Variants in PSMD14 observed in about 807,000 individuals in gnomAD.
PSMD14 encodes the protein ubiquitin C-terminal hydrolase PSMD14.
Under a neutral mutation model 41.2 loss-of-function variants are expected in PSMD14, and 7 were observed. The observed-to-expected ratio is 0.17, with a 90% CI of 0.10 to 0.32. The LOEUF (loss-of-function observed/expected upper bound fraction) is 0.32. PSMD14 is among the 10% of genes least tolerant of loss of function. PSMD14 has a pLI of 1.00. For synonymous variants in PSMD14, 114 were observed against 122.3 expected (o/e 0.93, Z 0.45); for missense variants, 139 against 375.6 (o/e 0.37, Z 5.21).
At chr2:161,313,025 G>A (rs1487110461) in intron 1 of PSMD14, among the ~76,000 whole-genome samples, 13 of 150,568 alleles carry the variant, frequency 8.6e-5, no homozygotes, top group Admixed American at 8.0e-4. Flanking sequence ...TGTGTTAAAT[G>A]TTTTTTTTTG....
chr2:161,344,636 C>T (rs866042560), intron 3 of PSMD14, among the ~76,000 whole-genome samples: 6 of 17,764 alleles, frequency 3.4e-4, no homozygotes, highest in Admixed American at 8.0e-4. Context: ...TTCTGGTGTT[C>T]TTCTTTTTAT....
At chr2:161,351,173 G>A (rs550234395) in intron 3 of PSMD14, among the ~76,000 whole-genome samples, 1 of 152,356 alleles carries the variant, frequency 6.6e-6, no homozygotes, top group South Asian at 2.1e-4. Flanking sequence ...GGATGGGAAA[G>A]AGAAGTCCAC....
intron 7 of PSMD14, among the ~76,000 whole-genome samples, chr2:161,379,676 C>G (rs1438460490): frequency 6.6e-6 from 1 of 151,906 alleles, no homozygotes; most frequent in Non-Finnish European, 1.5e-5. Context: ...ATTAGACATG[C>G]AAGAGATTTA....
rs115945132 is a variant in PSMD14 at position 161,333,466 on chromosome 2, G to A, written c.48+14593G>A. Among the ~76,000 whole-genome samples the A allele has an allele frequency of 2.2e-3, 337 of 152,272 alleles. 2 individuals are homozygous for A. Among genetic ancestry groups the A allele is most frequent in the African/African-American group, 8.0e-3 (332 of 41,536 alleles). On this transcript the variant is annotated intron_variant, in intron 3 of 11. Coordinates refer to ENST00000409682, the MANE Select transcript of PSMD14 (RefSeq NM_005805.6). Reference sequence around the variant, plus strand: ...TTCTGCCTGTCCTGGCACAGGTTTCGGACCTACCAACTCACTATGAAAGGC... The same window carrying A: ...TTCTGCCTGTCCTGGCACAGGTTTCAGACCTACCAACTCACTATGAAAGGC...
At chr2:161,403,440 G>C (rs897519612) in intron 10 of PSMD14, among the ~76,000 whole-genome samples, 10 of 152,302 alleles carry the variant, frequency 6.6e-5, no homozygotes, top group African/African-American at 2.4e-4. Flanking sequence ...TTTCCTTTGG[G>C]GTAATGAAAC....
At chr2:161,327,946 C>CTGTGTG (rs369674882) in intron 3 of PSMD14, among the ~76,000 whole-genome samples, 6,796 of 117,012 alleles carry the variant, frequency 0.058, 360 homozygotes, top group African/African-American at 0.12. Flanking sequence ...CTCATGTAAG[C>CTGTGTG]TGTGTGTGTG....
chr2:161,370,464 G>A (rs1683417245), intron 6 of PSMD14, among the ~76,000 whole-genome samples: 1 of 152,082 alleles, frequency 6.6e-6, no homozygotes, highest in Admixed American at 6.6e-5. Context: ...TTACTGTCTA[G>A]TCACTTATAA....
intron 3 of PSMD14, among the ~76,000 whole-genome samples, chr2:161,330,740 G>A (rs1254258504): frequency 1.3e-5 from 2 of 152,206 alleles, no homozygotes; most frequent in South Asian, 2.1e-4. Context: ...GCTGTTGCCC[G>A]TGATTGCACA....
At chr2:161,346,017 G>C (rs115857418) in intron 3 of PSMD14, among the ~76,000 whole-genome samples, 87 of 152,066 alleles carry the variant, frequency 5.7e-4, no homozygotes, top group African/African-American at 2.1e-3. Flanking sequence ...TCAGTCTCCC[G>C]ACTACAGTCA....
At chr2:161,324,430 T>C (rs1249001699) in intron 3 of PSMD14, among the ~76,000 whole-genome samples, 1 of 152,144 alleles carries the variant, frequency 6.6e-6, no homozygotes, top group Non-Finnish European at 1.5e-5. Context: ...AAAATGAGAC[T>C]AAGGAGATGA....
chr2:161,318,313 T>C (rs1689167747), intron 2 of PSMD14, among the ~76,000 whole-genome samples: 1 of 152,152 alleles, frequency 6.6e-6, no homozygotes, highest in Admixed American at 6.5e-5. Flanking sequence ...CAGAGATCCA[T>C]AATCTGCTCA....
intron 3 of PSMD14, among the ~76,000 whole-genome samples, chr2:161,341,621 C>T (rs1476524579): frequency 6.6e-6 from 1 of 151,072 alleles, no homozygotes; most frequent in African/African-American, 2.4e-5. Flanking sequence ...GGGTGGATAA[C>T]GAGGGCAGGA....
chr2:161,389,889 G>GTTGTTTTTTTTTTTTTTTTTGTTTTTTT, intron 8 of PSMD14, among the ~76,000 whole-genome samples: 1 of 20,042 alleles, frequency 5.0e-5, no homozygotes, highest in African/African-American at 1.5e-4. Context: ...CTTTTTTGTT[G>GTTGTTTTTTTTTTTTTTTTTGTTTTTTT]TTTTTTTTTT....
chr2:161,377,575 A>T (rs201118450), intron 7 of PSMD14, among the ~76,000 whole-genome samples: 1 of 151,930 alleles, frequency 6.6e-6, no homozygotes, highest in East Asian at 1.9e-4. Flanking sequence ...TTTTACTTTT[A>T]AAATTCTAAG....
chr2:161,353,194 T>A (rs1397456041), intron 3 of PSMD14, among the ~76,000 whole-genome samples: 3 of 152,196 alleles, frequency 2.0e-5, no homozygotes, highest in Non-Finnish European at 4.4e-5. Context: ...AGACTTAATA[T>A]TTTATGTGGA....
chr2:161,329,430 T>A (rs1682754131), intron 3 of PSMD14, among the ~76,000 whole-genome samples: 1 of 152,128 alleles, frequency 6.6e-6, no homozygotes, highest in South Asian at 2.1e-4. Context: ...TCATAGGTTT[T>A]CTTTATATTC....
chr2:161,397,378 G>A (rs1296772861), intron 10 of PSMD14, among the ~76,000 whole-genome samples: 1 of 152,154 alleles, frequency 6.6e-6, no homozygotes, highest in African/African-American at 2.4e-5. Flanking sequence ...GAAAGAAGGA[G>A]GAGGAATCAA....
At chr2:161,351,292 A>G (rs1439084322) in intron 3 of PSMD14, among the ~76,000 whole-genome samples, 1 of 152,216 alleles carries the variant, frequency 6.6e-6, no homozygotes, top group African/African-American at 2.4e-5. Flanking sequence ...AGCTTATACT[A>G]GGGCAGAAAG....
chr2:161,370,044 A>G (rs1683411751), intron 5 of PSMD14, 63 bp from the exon 6 acceptor site: 26 of 1,273,592 alleles, frequency 2.0e-5, no homozygotes, highest in Non-Finnish European at 2.8e-5. Flanking sequence ...CAAATAATAT[A>G]CATAGGGAAG....
Sources: allele counts gnomAD v4.1 joint callset (sites outside exome capture counted in the v4.1 genomes callset), GRCh38; gene constraint gnomAD v4.1.1; transcripts MANE v1.5; gene names NCBI Gene and HGNC (gene_info 2026-07-23, HGNC 2026-07-21).